Variants in PPP1R17 observed in about 807,000 individuals in gnomAD.
The protein encoded by PPP1R17 is G-substrate.
PPP1R17 carries 12 observed loss-of-function variants against 15.9 expected under a neutral mutation model. That is an observed-to-expected ratio of 0.75 (90% CI 0.48 to 1.22). The LOEUF (loss-of-function observed/expected upper bound fraction) is 1.22, where lower values mean the gene tolerates loss of function less well. Ranked by LOEUF, PPP1R17 falls within the 50% of genes most tolerant of loss-of-function variation. The probability of loss-of-function intolerance (pLI) is 0.00; values close to 1 mark genes in which losing one functional copy is unlikely to be tolerated. For synonymous variants in PPP1R17, 63 were observed against 64.5 expected (o/e 0.98, Z 0.11); for missense variants, 211 against 187.3 (o/e 1.13, Z -0.74).
intron 1 of PPP1R17, among the ~76,000 whole-genome samples, chr7:31,692,039 G>GA: frequency 6.6e-6 from 1 of 152,054 alleles, no homozygotes; most frequent in South Asian, 2.1e-4. Context: ...GAACTCAACA[G>GA]AAAAAACATA....
At chr7:31,690,594 T>C (rs1213961088) in intron 1 of PPP1R17, among the ~76,000 whole-genome samples, 2 of 152,212 alleles carry the variant, frequency 1.3e-5, no homozygotes, top group African/African-American at 4.8e-5. Context: ...CTTTTTAGTT[T>C]AAGAGCTGAG....
chr7:31,698,068 C>G (rs1792678176), intron 4 of PPP1R17, among the ~76,000 whole-genome samples: 1 of 152,202 alleles, frequency 6.6e-6, no homozygotes. Context: ...AGGTCTATCT[C>G]ACCTTTGGGC....
intron 4 of PPP1R17, among the ~76,000 whole-genome samples, chr7:31,699,405 T>G (rs1456835286): frequency 6.6e-6 from 1 of 152,220 alleles, no homozygotes; most frequent in Non-Finnish European, 1.5e-5. Context: ...TTTTTGGCAG[T>G]ATTCTGTCTT....
chr7:31,694,793 C>T (rs779903458), intron 2 of PPP1R17, among the ~76,000 whole-genome samples: 6 of 152,072 alleles, frequency 3.9e-5, no homozygotes, highest in Non-Finnish European at 7.4e-5. Context: ...TTACCCGTAA[C>T]GACTTCTGAT....
chr7:31,688,353 A>C (rs34162), intron 1 of PPP1R17, among the ~76,000 whole-genome samples: 61,344 of 152,138 alleles, frequency 0.4, 14,933 homozygotes, highest in African/African-American at 0.69. Context: ...TCCAATCTTA[A>C]AGTTGAGAGG....
chr7:31,694,525 C>T (rs187788931), intron 2 of PPP1R17, among the ~76,000 whole-genome samples: 155 of 152,248 alleles, frequency 1.0e-3, no homozygotes, highest in Non-Finnish European at 1.8e-3. Flanking sequence ...CATGTTTGAA[C>T]TCAGATCAGC....
At chr7:31,702,634 TA>T (rs1365935935) in intron 4 of PPP1R17, among the ~76,000 whole-genome samples, 1 of 152,238 alleles carries the variant, frequency 6.6e-6, no homozygotes, top group African/African-American at 2.4e-5. Flanking sequence ...GTATTGTCTT[TA>T]TTCTTCTTGT....
At chr7:31,690,726 G>C (rs1458399055) in intron 1 of PPP1R17, among the ~76,000 whole-genome samples, 1 of 152,210 alleles carries the variant, frequency 6.6e-6, no homozygotes, top group Non-Finnish European at 1.5e-5. Context: ...GGGTCGGGGA[G>C]AAGGATAAAG....
In PPP1R17 at chr7:31,690,583, G is replaced by T. The variant is rs566158674; in HGVS notation, c.-36-1823G>T. Among the ~76,000 whole-genome samples, 12 of 152,246 alleles carry T rather than the reference G, an allele frequency of 7.9e-5. No homozygotes were observed. The East Asian group carries it at 1.4e-3, about 17-fold the overall frequency. On this transcript the variant is annotated intron_variant, in intron 1 of 4. Transcript: ENST00000342032. ...TTAGCAACTTCATCGAAGTCATATG[G>T]CTTTTTAGTTTAAGAGCTGAGATTT... is the stretch of plus-strand genomic sequence containing the variant.
At chr7:31,705,619 C>CAACACAT (rs1793033047) in intron 4 of PPP1R17, among the ~76,000 whole-genome samples, 1 of 152,192 alleles carries the variant, frequency 6.6e-6, no homozygotes, top group Admixed American at 6.5e-5. Context: ...TCATTAAGAT[C>CAACACAT]AACACATAGT....
chr7:31,694,420 T>G (rs1343514224), intron 2 of PPP1R17, among the ~76,000 whole-genome samples: 1 of 94,890 alleles, frequency 1.1e-5, no homozygotes, highest in Non-Finnish European at 2.0e-5. Context: ...ACACACAGAT[T>G]TAATATTAAT....
intron 4 of PPP1R17, among the ~76,000 whole-genome samples, chr7:31,699,771 A>G (rs1443616796): frequency 6.6e-6 from 1 of 151,928 alleles, no homozygotes; most frequent in Non-Finnish European, 1.5e-5. Flanking sequence ...TAGTTCTTGC[A>G]CTGTTTAGAA....
chr7:31,687,397 T>C (rs1792145581), intron 1 of PPP1R17, 91 bp downstream of exon 1: 1 of 152,242 alleles, frequency 6.6e-6, no homozygotes, highest in Admixed American at 6.5e-5. Flanking sequence ...CTGTAGCTGG[T>C]GGCACGGGGT....
intron 4 of PPP1R17, among the ~76,000 whole-genome samples, chr7:31,702,626 A>G (rs1792900628): frequency 6.6e-6 from 1 of 152,108 alleles, no homozygotes; most frequent in African/African-American, 2.4e-5. Flanking sequence ...CTCTTTTAGT[A>G]TTGTCTTTAT....
chr7:31,691,399 T>C (rs1792335364), intron 1 of PPP1R17, among the ~76,000 whole-genome samples: 1 of 152,252 alleles, frequency 6.6e-6, no homozygotes, highest in Non-Finnish European at 1.5e-5. Context: ...GATTTTAATC[T>C]TATTTATTCC....
chr7:31,691,839 C>T (rs976449472), intron 1 of PPP1R17, among the ~76,000 whole-genome samples: 2 of 125,300 alleles, frequency 1.6e-5, no homozygotes, highest in Non-Finnish European at 3.4e-5. Flanking sequence ...AAAAAACCCA[C>T]AACAGAAGCC....
At chr7:31,698,127 A>G (rs1219527275) in intron 4 of PPP1R17, among the ~76,000 whole-genome samples, 1 of 152,202 alleles carries the variant, frequency 6.6e-6, no homozygotes, top group African/African-American at 2.4e-5. Context: ...CATTATAGGA[A>G]CAGAAGAAAC....
chr7:31,705,384 A>C (rs1208839239), intron 4 of PPP1R17, among the ~76,000 whole-genome samples: 4 of 152,196 alleles, frequency 2.6e-5, no homozygotes, highest in African/African-American at 9.6e-5. Context: ...GGCTCAGCAT[A>C]GCTAACTCTA....
chr7:31,688,139 G>C (rs1792183400), intron 1 of PPP1R17, among the ~76,000 whole-genome samples: 2 of 152,148 alleles, frequency 1.3e-5, no homozygotes, highest in Admixed American at 6.5e-5. Context: ...GAAAATATCA[G>C]TGTGTAGGAC....
Sources: gnomAD v4.1 joint callset for allele counts (sites outside exome capture counted in the v4.1 genomes callset) on GRCh38, gnomAD v4.1.1 for gene constraint, MANE v1.5 for transcripts, NCBI Gene and HGNC (gene_info 2026-07-23, HGNC 2026-07-21) for gene names.